Variants in ATOH8 observed in about 807,000 individuals in gnomAD.
ATOH8 encodes transcription factor ATOH8.
In ATOH8, 9 loss-of-function variants were observed where a neutral mutation model predicts 21.2. The observed-to-expected ratio is 0.42, with a 90% CI of 0.26 to 0.74. ATOH8 has a LOEUF of 0.74. Among genes scored for constraint, ATOH8 ranks in the 30% least tolerant of loss-of-function variants. The pLI is 0.24. For synonymous variants in ATOH8, 253 were observed against 224.0 expected (o/e 1.13, Z -1.16); for missense variants, 524 against 470.9 (o/e 1.11, Z -1.04).
chr2:85,766,330 C>T lies in ATOH8; in HGVS notation c.960+2148C>T, dbSNP rs912125319. On this transcript the variant is annotated intron_variant, in intron 2 of 2. Transcript: ENST00000306279. The surrounding 1 kb of genome is among the most constrained non-coding windows in gnomAD (Gnocchi z 4.0). ...AGGAACTCGACTGTTTCCTCTCCAC[C>T]CTCCCTCCCCCACACCCAGCCCGGG... Among the ~76,000 whole-genome samples, 11 of 151,942 alleles carry T rather than the reference C, an allele frequency of 7.2e-5. No individual in the cohort carries two copies. Among genetic ancestry groups the T allele is most frequent in the African/African-American group, 2.7e-4 (11 of 41,340 alleles).
chr2:85,774,654 C>T (rs1680276971), intron 2 of ATOH8: 1 of 985,382 alleles, frequency 1.0e-6, no homozygotes, highest in South Asian at 4.7e-5. Flanking sequence ...TGCCTCACTC[C>T]ATCCCCTACT....
intron 1 of ATOH8, among the ~76,000 whole-genome samples, chr2:85,756,938 C>T (rs949748428): frequency 4.9e-4 from 74 of 152,322 alleles, no homozygotes; most frequent in African/African-American, 1.7e-3. Flanking sequence ...TTACTTCCCC[C>T]CTTACCGTGG....
At chr2:85,774,226 C>T in intron 2 of ATOH8, 1 of 985,552 alleles carries the variant, frequency 1.0e-6, no homozygotes, top group Non-Finnish European at 1.2e-6. Context: ...CCTGGTATGG[C>T]ATGGCGTCAG....
At chr2:85,769,645 G>A (rs1341151230) in intron 2 of ATOH8, among the ~76,000 whole-genome samples, 1 of 152,230 alleles carries the variant, frequency 6.6e-6, no homozygotes, top group Non-Finnish European at 1.5e-5. Context: ...ACAAGATGAA[G>A]GCATATTGGA....
chr2:85,769,607 T>C (rs1412310164), intron 2 of ATOH8, among the ~76,000 whole-genome samples: 1 of 152,190 alleles, frequency 6.6e-6, no homozygotes, highest in East Asian at 1.9e-4. Flanking sequence ...ACGTCTTGGG[T>C]GCAGACCCCG....
At chr2:85,756,221 A>G (rs1348603027) in intron 1 of ATOH8, among the ~76,000 whole-genome samples, 2 of 152,092 alleles carry the variant, frequency 1.3e-5, no homozygotes, top group African/African-American at 2.4e-5. Flanking sequence ...GTCACAGACC[A>G]GGCTGGGCCT....
intron 2 of ATOH8, among the ~76,000 whole-genome samples, chr2:85,770,296 T>G (rs1680145816): frequency 6.6e-6 from 1 of 152,184 alleles, no homozygotes; most frequent in African/African-American, 2.4e-5. Flanking sequence ...TGCCCCCAGC[T>G]CCTACTGCTT....
chr2:85,758,026 A>T (rs1053733333), intron 1 of ATOH8, among the ~76,000 whole-genome samples: 2 of 152,068 alleles, frequency 1.3e-5, no homozygotes, highest in Non-Finnish European at 2.9e-5. Context: ...GGCTGAGGTG[A>T]TCCACCCACC....
At chr2:85,758,047 A>G (rs914732893) in intron 1 of ATOH8, among the ~76,000 whole-genome samples, 4 of 152,126 alleles carry the variant, frequency 2.6e-5, no homozygotes, top group Non-Finnish European at 5.9e-5. Flanking sequence ...TCTGTCTCCC[A>G]AAGTGCTAGG....
At chr2:85,757,065 C>G (rs897426623) in intron 1 of ATOH8, among the ~76,000 whole-genome samples, 3 of 152,266 alleles carry the variant, frequency 2.0e-5, no homozygotes, top group Admixed American at 2.0e-4. Context: ...CACACACATG[C>G]TCCTTACACG....
intron 2 of ATOH8, among the ~76,000 whole-genome samples, chr2:85,784,151 C>A (rs1198153275): frequency 6.6e-6 from 1 of 152,222 alleles, no homozygotes; most frequent in East Asian, 1.9e-4. Context: ...TCCCCCTGGT[C>A]TCTGTGAAAT....
At chr2:85,767,217 G>A (rs940503908) in intron 2 of ATOH8, among the ~76,000 whole-genome samples, 4 of 152,172 alleles carry the variant, frequency 2.6e-5, no homozygotes, top group African/African-American at 4.8e-5. Context: ...CAACCCCCAG[G>A]ACAATTGAAC....
chr2:85,770,753 G>A (rs913482449), intron 2 of ATOH8, among the ~76,000 whole-genome samples: 2 of 152,094 alleles, frequency 1.3e-5, no homozygotes, highest in South Asian at 2.1e-4. Flanking sequence ...AAAGGCTGGG[G>A]TGCCGCTTCC....
At chr2:85,770,805 C>T (rs1055468050) in intron 2 of ATOH8, among the ~76,000 whole-genome samples, 3 of 152,170 alleles carry the variant, frequency 2.0e-5, no homozygotes, top group African/African-American at 7.2e-5. Flanking sequence ...CCTCCTCTCT[C>T]TTTTTCCAAA....
intron 2 of ATOH8, among the ~76,000 whole-genome samples, chr2:85,765,756 T>G (rs928660759): frequency 2.6e-5 from 4 of 152,164 alleles, no homozygotes; most frequent in Non-Finnish European, 5.9e-5. Flanking sequence ...AGGTCCCGCC[T>G]TCCCGGGTTC....
At chr2:85,756,047 G>T (rs965635239) in intron 1 of ATOH8, among the ~76,000 whole-genome samples, 1 of 152,148 alleles carries the variant, frequency 6.6e-6, no homozygotes, top group East Asian at 1.9e-4. Flanking sequence ...TCCTGCTGGG[G>T]GTTGGGGTGG....
intron 2 of ATOH8, chr2:85,774,339 C>G: frequency 1.0e-6 from 1 of 985,562 alleles, no homozygotes; most frequent in Non-Finnish European, 1.2e-6. Flanking sequence ...AGCCCTGCAC[C>G]TGGCACAGTG....
chr2:85,773,969 G>C (rs1680260649), intron 2 of ATOH8: 1 of 498,596 alleles, frequency 2.0e-6, no homozygotes, highest in Non-Finnish European at 2.6e-6. Flanking sequence ...GCTGGAGCTG[G>C]TCCCTACTCT....
chr2:85,781,108 C>A, intron 2 of ATOH8: 1 of 984,964 alleles, frequency 1.0e-6, no homozygotes, highest in Non-Finnish European at 1.2e-6. Context: ...AAGAAAACAC[C>A]AGTGCAGCTT....
Sources: allele counts gnomAD v4.1 joint callset (sites outside exome capture counted in the v4.1 genomes callset), GRCh38; gene constraint gnomAD v4.1.1; non-coding constraint Gnocchi (gnomAD v3.1); transcripts MANE v1.5; gene names NCBI Gene and HGNC (gene_info 2026-07-23, HGNC 2026-07-21).